CALN1: variants seen among roughly 807,000 people sequenced by gnomAD.
The protein encoded by CALN1 is calcium-binding protein 8.
In CALN1, 17 loss-of-function variants were observed where a neutral mutation model predicts 30.6. The observed-to-expected ratio is 0.56, with a 90% CI of 0.38 to 0.83. The LOEUF (loss-of-function observed/expected upper bound fraction) is 0.83. Ranked by LOEUF, CALN1 falls within the 40% of genes least tolerant of loss-of-function variation. The probability of loss-of-function intolerance (pLI) is 0.00; values close to 1 mark genes in which losing one functional copy is unlikely to be tolerated. For missense variants in CALN1, 291 were observed against 354.9 expected (o/e 0.82, Z 1.45); for synonymous variants, 156 against 131.4 (o/e 1.19, Z -1.28).
intron 1 of CALN1, among the ~76,000 whole-genome samples, chr7:72,404,781 A>C (rs555169059): frequency 9.8e-5 from 15 of 152,344 alleles, no homozygotes; most frequent in Admixed American, 2.0e-4. Flanking sequence ...AGCAGGAAGA[A>C]GGCTTGAAGA....
chr7:71,891,396 C>A (rs1363580084), intron 5 of CALN1, among the ~76,000 whole-genome samples: 1 of 152,160 alleles, frequency 6.6e-6, no homozygotes, highest in East Asian at 1.9e-4. Context: ...TTCAAGGGAG[C>A]CTTGTTCCAA....
chr7:72,053,675 T>G (rs1802986457), intron 4 of CALN1, among the ~76,000 whole-genome samples: 1 of 152,080 alleles, frequency 6.6e-6, no homozygotes, highest in African/African-American at 2.4e-5. Flanking sequence ...GTTACTGGGG[T>G]ACAGGTGGTA....
chr7:72,225,024 C>G (rs71551255), intron 3 of CALN1, among the ~76,000 whole-genome samples: 17,437 of 151,720 alleles, frequency 0.11, 1,465 homozygotes, highest in East Asian at 0.43. Context: ...CATGCATGAA[C>G]CCAGGAGGTG....
At chr7:72,123,371 AC>A (rs1475311618) in intron 3 of CALN1, among the ~76,000 whole-genome samples, 4 of 152,176 alleles carry the variant, frequency 2.6e-5, no homozygotes, top group Non-Finnish European at 5.9e-5. Flanking sequence ...AGTTGGAGGA[AC>A]TGGTTCTAAT....
chr7:72,328,977 G>A (rs939426610), intron 2 of CALN1, among the ~76,000 whole-genome samples: 4 of 152,228 alleles, frequency 2.6e-5, no homozygotes, highest in East Asian at 1.9e-4. Flanking sequence ...GATTACAGGC[G>A]TAAGCCAACG....
chr7:72,183,993 T>C (rs946701227), intron 3 of CALN1, among the ~76,000 whole-genome samples: 2 of 152,072 alleles, frequency 1.3e-5, no homozygotes, highest in African/African-American at 4.8e-5. Flanking sequence ...ATGACGACAG[T>C]TCAGTTAAGA....
At chr7:72,103,091 A>ACC (rs1563059886) in intron 4 of CALN1, 1 of 144,308 alleles carries the variant, frequency 6.9e-6, no homozygotes, top group Non-Finnish European at 1.5e-5. Context: ...AAAAAAAAAA[A>ACC]AAAAAAGGAA....
intron 1 of CALN1, among the ~76,000 whole-genome samples, chr7:72,425,049 A>G (rs1807752640): frequency 1.3e-5 from 2 of 152,082 alleles, no homozygotes; most frequent in Non-Finnish European, 2.9e-5. Flanking sequence ...GATTTCCACC[A>G]TTGGCATCCA....
At chr7:72,396,195 G>A (rs1454110987) in intron 2 of CALN1, among the ~76,000 whole-genome samples, 7 of 137,990 alleles carry the variant, frequency 5.1e-5, no homozygotes, top group Admixed American at 2.3e-4. Context: ...TCAGGAGTTC[G>A]AGACCAGCCT....
chr7:71,836,793 T>C (rs1480166674), intron 5 of CALN1, among the ~76,000 whole-genome samples: 1 of 151,810 alleles, frequency 6.6e-6, no homozygotes, highest in Non-Finnish European at 1.5e-5. Flanking sequence ...AATTTTTGTA[T>C]TTTTAGTAGA....
intron 2 of CALN1, among the ~76,000 whole-genome samples, chr7:72,371,552 T>C (rs1804242352): frequency 6.6e-6 from 1 of 152,182 alleles, no homozygotes; most frequent in Admixed American, 6.5e-5. Context: ...TCCACAGTGA[T>C]TGTTTCCTGA....
chr7:72,268,981 T>C (rs906613559), intron 3 of CALN1, among the ~76,000 whole-genome samples: 6 of 152,090 alleles, frequency 3.9e-5, no homozygotes, highest in African/African-American at 9.7e-5. Flanking sequence ...AAGATTACAA[T>C]TGCAAGGAGA....
intron 3 of CALN1, among the ~76,000 whole-genome samples, chr7:72,242,614 G>A (rs372855161): frequency 9.9e-5 from 15 of 152,166 alleles, no homozygotes; most frequent in East Asian, 1.9e-4. Context: ...AAGGCCAGGC[G>A]CAGTGGCTCA....
intron 5 of CALN1, among the ~76,000 whole-genome samples, chr7:71,905,627 G>A (rs183999472): frequency 2.6e-5 from 4 of 152,086 alleles, no homozygotes; most frequent in Admixed American, 6.6e-5. Context: ...CAAGACATAC[G>A]CACTCCATAG....
intron 4 of CALN1, among the ~76,000 whole-genome samples, chr7:72,037,852 C>T (rs1183142250): frequency 6.6e-6 from 1 of 152,200 alleles, no homozygotes; most frequent in Admixed American, 6.5e-5. Context: ...TTCCCTGGGC[C>T]TGTGTAGTCA....
At chr7:72,119,517 G>GA (rs34760301) in intron 3 of CALN1, among the ~76,000 whole-genome samples, 100 of 144,174 alleles carry the variant, frequency 6.9e-4, no homozygotes, top group African/African-American at 1.1e-3. Flanking sequence ...TAAAAGAAAG[G>GA]AAAAAAAAAA....
the CALN1 span, among the ~76,000 whole-genome samples, chr7:72,487,738 G>GAAAGAAAGAAAGA: frequency 2.5e-4 from 11 of 43,216 alleles, no homozygotes; most frequent in African/African-American, 1.0e-3. Flanking sequence ...AGAAAGAAAG[G>GAAAGAAAGAAAGA]AAGGAAGGAA....
At chr7:72,372,599 C>G (rs1478657059) in intron 2 of CALN1, among the ~76,000 whole-genome samples, 1 of 152,072 alleles carries the variant, frequency 6.6e-6, no homozygotes, top group African/African-American at 2.4e-5. Context: ...GAGAACTGAA[C>G]AATGGAGTAG....
At chr7:72,211,995 T>C (rs573857476) in intron 3 of CALN1, among the ~76,000 whole-genome samples, 1 of 152,044 alleles carries the variant, frequency 6.6e-6, no homozygotes, top group Non-Finnish European at 1.5e-5. Context: ...TGAATAACCG[T>C]TTTTTATGGC....
Sources: allele counts gnomAD v4.1 joint callset (sites outside exome capture counted in the v4.1 genomes callset), GRCh38; gene constraint gnomAD v4.1.1; transcripts MANE v1.5; gene names NCBI Gene and HGNC (gene_info 2026-07-23, HGNC 2026-07-21).